The following ZNF594 variants were observed in gnomAD, a reference collection of about 807,000 sequenced individuals.
The protein encoded by ZNF594 is zinc finger protein 594, also known as zinc finger protein HZF18.
For missense variants in ZNF594, 1,037 were observed against 964.6 expected (o/e 1.08, Z -0.99); for synonymous variants, 336 against 309.4 (o/e 1.09, Z -0.90).
rs1372355579 is a variant in ZNF594, at chr17:5,181,297, C to T, written c.*536G>A. ...TCTGAGCTCTGATTGAAAGTTTTCC[C>T]ACATTCTTTACATTCATATGGTTTC... On this transcript the variant is annotated 3_prime_UTR_variant, in exon 2 of 2. Coordinates refer to ENST00000575779, the MANE Select transcript of ZNF594 (RefSeq NM_032530.2). The T allele has an allele frequency of 1.2e-6, 2 of 1,612,786 alleles. No individual in the cohort carries two copies. The highest frequency in any genetic ancestry group is 1.7e-6 in the Non-Finnish European group (2 of 1,178,852).
chr17:5,185,218 G>A (rs1055717045), intron 1 of ZNF594, among the ~76,000 whole-genome samples: 2 of 152,182 alleles, frequency 1.3e-5, no homozygotes, highest in Admixed American at 1.3e-4. Flanking sequence ...TGAGACTGGA[G>A]AGAAAAAGAG....
At chr17:5,185,974 C>T (rs1031423620) in intron 1 of ZNF594, among the ~76,000 whole-genome samples, 3 of 152,178 alleles carry the variant, frequency 2.0e-5, no homozygotes, top group African/African-American at 4.8e-5. Flanking sequence ...GCTGCTTTCA[C>T]GGGCTGGTGT....
chr17:5,178,600 T>C (rs1318814686), downstream of ZNF594, among the ~76,000 whole-genome samples: 1 of 152,178 alleles, frequency 6.6e-6, no homozygotes, highest in Non-Finnish European at 1.5e-5. Context: ...TTAAGCAATA[T>C]AGGTGTTATT....
Position 5,183,712 on chromosome 17 carries a change from G to T in ZNF594, c.545C>A (p.Pro182His). The change falls in exon 2 of 2, where the codon CCT becomes CAT. Residue 182 changes from proline to histidine, a missense_variant. Pro to His is a moderately conservative substitution (Grantham distance 77). Coordinates refer to ENST00000575779, the MANE Select transcript of ZNF594 (RefSeq NM_032530.2). ...IHQRIHTGKK[P>H]YICHECGKDF... is the part of the protein sequence containing the mutation. ...TTTTCCACATTCATGACATATATAA[G>T]GTTTCTTTCCTGTATGAATTCTCTG... 6.2e-7 allele frequency: 1 copy of T among 1,613,542 alleles called. No individual in the cohort carries two copies. The highest frequency in any genetic ancestry group is 2.2e-5 in the East Asian group (1 of 44,884).
At position 5,183,629 on chromosome 17, in the gene ZNF594, G is replaced by A; in HGVS notation, c.628C>T (p.Pro210Ser). The change falls in exon 2 of 2, where the codon CCC (proline) becomes TCC (serine). Residue 210 changes from proline (P) to serine (S), a missense_variant. Transcript: ENST00000575779. ...TTCCCACACTCTTTGCACTCATAGG[G>A]ATTCCCACCACTGTGAATTTGCTTA... ...RHKQIHSGGN[P>S]YECKECGKAF... is the part of the protein sequence containing the mutation. 2 of 1,614,202 alleles carry A rather than the reference G, an allele frequency of 1.2e-6. No individual in the cohort carries two copies. The highest frequency in any genetic ancestry group is 8.5e-7 in the Non-Finnish European group (1 of 1,180,042).
At position 5,182,571 on chromosome 17, in the gene ZNF594, G is replaced by C. The variant is rs777560833; in HGVS notation, c.1686C>G (p.His562Gln). The C allele has an allele frequency of 2.7e-5, 44 of 1,613,244 alleles. No homozygotes were observed. The highest frequency in any genetic ancestry group is 3.6e-5 in the Non-Finnish European group (43 of 1,179,666). The change falls in exon 2 of 2, where the codon CAC (histidine) becomes CAG (glutamine). Residue 562 changes from histidine (H) to glutamine (Q), a missense_variant. Transcript: ENST00000575779. Reference protein sequence around the residue: ...DEELRGEQKIHQEAKAYWCNQ... With the variant: ...DEELRGEQKIQQEAKAYWCNQ... ...TACACCAATAAGCTTTCGCTTCCTG[G>C]TGAATTTTCTGCTCTCCCCTAAGCT...
At chr17:5,175,679 G>T (rs1191749093), downstream of ZNF594, among the ~76,000 whole-genome samples, 5 of 152,118 alleles carry the variant, frequency 3.3e-5, no homozygotes, top group African/African-American at 1.2e-4. Context: ...CAGATCAGGA[G>T]ATGAGGTGAA....
intron 1 of ZNF594, among the ~76,000 whole-genome samples, chr17:5,189,258 CT>C (rs1166058570): frequency 3.4e-4 from 41 of 120,536 alleles, no homozygotes; most frequent in Admixed American, 1.7e-3. Context: ...TTTTTTTTCA[CT>C]TTTTTTTTTG....
chr17:5,181,153 T>C lies in ZNF594; in HGVS notation c.*680A>G, dbSNP rs903938701. The C allele has an allele frequency of 9.3e-6, 15 of 1,607,100 alleles. No homozygotes were observed. Among genetic ancestry groups the C allele is most frequent in the Non-Finnish European group, 1.3e-5 (15 of 1,175,328 alleles). On this transcript the variant is annotated 3_prime_UTR_variant, in exon 2 of 2. Transcript: ENST00000575779. ...CAACATTCAGGGCATTCATAGGGTTTCTCTCCAGTATGAACACGATGGTGT... is the reference window on the plus strand; with the variant it reads ...CAACATTCAGGGCATTCATAGGGTTCCTCTCCAGTATGAACACGATGGTGT...
rs1458177604 is a variant in ZNF594 at position 5,181,096 on chromosome 17, T to G, written c.*737A>C. 1.2e-5 allele frequency: 17 copies of G among 1,470,500 alleles called. No homozygotes were observed. In the South Asian group the frequency reaches 1.9e-4, roughly 17 times the overall value. 91.1% of individuals were successfully genotyped at this position (1,470,500 alleles called of 1,614,324 possible). A position where few individuals can be genotyped will look rare whatever the true frequency, so the allele number is the denominator to read the frequency against. On this transcript the variant is annotated 3_prime_UTR_variant, in exon 2 of 2. Coordinates refer to ENST00000575779, the MANE Select transcript of ZNF594 (RefSeq NM_032530.2). ...TCTCTGGTATGAATTCTTTGATGAC[T>G]GACAAGGTGTGAGTTCTGACTGAAG... is the stretch of plus-strand genomic sequence containing the variant.
chr17:5,183,368 A>G lies in ZNF594; in HGVS notation c.889T>C (p.Cys297Arg). 1 of 1,613,736 alleles carries G rather than the reference A, an allele frequency of 6.2e-7. No homozygotes were observed. ...RIHTGEKPLK[C>R]NECEKAFRQH... The stretch of plus-strand genomic sequence containing the variant: ...CTGAAGGCTTTTTCACATTCATTAC[A>G]TTTGAGGGGTTTCTCTCCAGTGTGA... Residue 297 changes from cysteine (C) to arginine (R), a missense_variant, in exon 2 of 2, where the codon TGT becomes CGT. By Grantham distance (180) the Cys-to-Arg change is radical. Transcript: ENST00000575779.
In ZNF594 at chr17:5,182,798, G is replaced by T. The variant is rs1360998502; in HGVS notation, c.1459C>A (p.Pro487Thr). The change falls in exon 2 of 2, where the codon CCC (proline) becomes ACC (threonine). Residue 487 changes from proline (P) to threonine (T), a missense_variant. By Grantham distance (38) the Pro-to-Thr change is conservative (BLOSUM62 -1). Coordinates refer to ENST00000575779, the MANE Select transcript of ZNF594 (RefSeq NM_032530.2). ...TTCCCACATTCAGTGCACTGATAGG[G>T]CTTCTCTCCAGTATGGATTTTCTGG... ...THQKIHTGEK[P>T]YQCTECGKAF... 2 of 1,613,940 alleles carry T rather than the reference G, an allele frequency of 1.2e-6. No homozygotes were observed.
At chr17:5,179,091 C>T (rs548001171), downstream of ZNF594, among the ~76,000 whole-genome samples, 6 of 151,426 alleles carry the variant, frequency 4.0e-5, no homozygotes, top group African/African-American at 9.7e-5. Flanking sequence ...GAGGTGACAG[C>T]GCCAGCAGCA....
rs1424681482 is a variant in ZNF594 at position 5,180,599 on chromosome 17, G to A, written c.*1234C>T. The A allele has an allele frequency of 1.1e-5, 2 of 185,298 alleles. No homozygotes were observed. Among genetic ancestry groups the A allele is most frequent in the African/African-American group, 2.4e-5 (1 of 41,660 alleles). 11.5% of individuals were successfully genotyped at this position (185,298 alleles called of 1,614,324 possible). On this transcript the variant is annotated 3_prime_UTR_variant, in exon 2 of 2. Coordinates refer to ENST00000575779, the MANE Select transcript of ZNF594 (RefSeq NM_032530.2). Reference sequence around the variant, plus strand: ...GGTAATCCCAACCCTTTGGGAGGCTGAGGAGGGAGGAGTGCTTGAGCCCAA... The same window carrying A: ...GGTAATCCCAACCCTTTGGGAGGCTAAGGAGGGAGGAGTGCTTGAGCCCAA...
In ZNF594 at chr17:5,182,681, T is replaced by C. The variant is rs768226221; in HGVS notation, c.1576A>G (p.Ile526Val). 1 of 1,614,046 alleles carries C rather than the reference T, an allele frequency of 6.2e-7. No homozygotes were observed. The highest frequency in any genetic ancestry group is 1.1e-5 in the South Asian group (1 of 91,074). Residue 526 changes from isoleucine to valine, a missense_variant, in exon 2 of 2, where the codon ATT becomes GTT. Physicochemically the swap from Ile to Val is conservative, Grantham distance 29. Coordinates refer to ENST00000575779, the MANE Select transcript of ZNF594 (RefSeq NM_032530.2). ...TGTTTGAGGAAAGCTGTGCGCCAAA[T>C]GAAGAGCTTCCCACATTCCTTACAT... ...YECKECGKLF[I>V]WRTAFLKHQS...
At chr17:5,190,994 T>C (rs963058231) in intron 1 of ZNF594, among the ~76,000 whole-genome samples, 1 of 152,232 alleles carries the variant, frequency 6.6e-6, no homozygotes, top group African/African-American at 2.4e-5. Flanking sequence ...GTAACTGCAT[T>C]TGTAACCAAT....
intron 1 of ZNF594, among the ~76,000 whole-genome samples, chr17:5,190,403 A>C (rs1276417470): frequency 3.3e-5 from 5 of 152,200 alleles, no homozygotes. Flanking sequence ...ATTCAAATAA[A>C]AACAAACAGC....
At position 5,181,005 on chromosome 17, in the gene ZNF594, T is replaced by G. The variant is rs1452848204; in HGVS notation, c.*828A>C. ...AAATTCCTTTCCAATGTGAAGTTTC[T>G]GGTGCTTAAGAAAAGCTGTCCACCC... On this transcript the variant is annotated 3_prime_UTR_variant, in exon 2 of 2. Coordinates refer to ENST00000575779, the MANE Select transcript of ZNF594 (RefSeq NM_032530.2). The G allele has an allele frequency of 1.3e-6, 1 of 784,238 alleles. No individual in the cohort carries two copies. The highest frequency in any genetic ancestry group is 1.7e-5 in the African/African-American group (1 of 58,732). 48.6% of individuals were successfully genotyped at this position (784,238 alleles called of 1,614,324 possible). A position where few individuals can be genotyped will look rare whatever the true frequency, so the allele number is the denominator to read the frequency against.
intron 1 of ZNF594, among the ~76,000 whole-genome samples, chr17:5,187,535 T>C (rs908553659): frequency 6.6e-6 from 1 of 152,164 alleles, no homozygotes; most frequent in Non-Finnish European, 1.5e-5. Flanking sequence ...TTAATCTTCT[T>C]GGAGTGAATG....
Sources: gnomAD v4.1 joint callset for allele counts (sites outside exome capture counted in the v4.1 genomes callset) on GRCh38, gnomAD v4.1.1 for gene constraint, MANE v1.5 for transcripts, NCBI Gene and HGNC (gene_info 2026-07-23, HGNC 2026-07-21) for gene names.